DDAH1: variants seen among roughly 807,000 people sequenced by gnomAD.
The protein encoded by DDAH1 is N(G),N(G)-dimethylarginine dimethylaminohydrolase 1.
Under a neutral mutation model 28.8 loss-of-function variants are expected in DDAH1, and 19 were observed. The observed-to-expected ratio is 0.66, with a 90% CI of 0.46 to 0.97. The LOEUF (loss-of-function observed/expected upper bound fraction) is 0.97. Ranked by LOEUF, DDAH1 falls within the 50% of genes least tolerant of loss-of-function variation. The pLI is 0.00. For synonymous variants in DDAH1, 153 were observed against 154.4 expected (o/e 0.99, Z 0.07); for missense variants, 326 against 375.9 (o/e 0.87, Z 1.10).
At position 85,511,638 on chromosome 1, in the gene DDAH1, T is replaced by C. The variant is rs12091829; in HGVS notation, c.-122-15357A>G. ...AAAGAAGAAACGAGAGAAGAATCAATAGATGCAATAAAAAATGATAAAGGG... is the reference window on the plus strand; with the variant it reads ...AAAGAAGAAACGAGAGAAGAATCAACAGATGCAATAAAAAATGATAAAGGG... On this transcript the variant is annotated intron_variant, in intron 1 of 6. Transcript: ENST00000426972. Among the ~76,000 whole-genome samples, 283 of 152,028 alleles carry C rather than the reference T, an allele frequency of 1.9e-3. 2 individuals carry two copies. The highest frequency in any genetic ancestry group is 6.6e-3 in the African/African-American group (273 of 41,494).
chr1:85,415,893 T>C (rs966770496), intron 1 of DDAH1, among the ~76,000 whole-genome samples: 17 of 152,208 alleles, frequency 1.1e-4, no homozygotes, highest in African/African-American at 3.6e-4. Context: ...CTGTTCTGAA[T>C]GTATACTTTT....
chr1:85,453,681 C>G (rs1654761735), intron 1 of DDAH1, among the ~76,000 whole-genome samples: 1 of 152,136 alleles, frequency 6.6e-6, no homozygotes, highest in Admixed American at 6.5e-5. Flanking sequence ...ATATGCCAGT[C>G]CAGATGTCTC....
chr1:85,390,572 A>G (rs1294900952), intron 1 of DDAH1, among the ~76,000 whole-genome samples: 1 of 152,140 alleles, frequency 6.6e-6, no homozygotes, highest in Non-Finnish European at 1.5e-5. Flanking sequence ...ATATGCTGGG[A>G]TGTAAGGTAC....
intron 1 of DDAH1, among the ~76,000 whole-genome samples, chr1:85,462,244 C>T (rs1297721832): frequency 1.3e-5 from 2 of 152,090 alleles, no homozygotes; most frequent in African/African-American, 2.4e-5. Context: ...GAACCTCGCT[C>T]GATCCATGGA....
At chr1:85,362,857 TA>T (rs1649864602) in intron 1 of DDAH1, among the ~76,000 whole-genome samples, 1 of 152,140 alleles carries the variant, frequency 6.6e-6, no homozygotes. Flanking sequence ...AAGTAAAAGA[TA>T]AAAAATACAA....
rs1661342820 is a variant in DDAH1 at position 85,321,493 on chromosome 1, TGAGCAGCCCATCCACCTTTTC to T, written c.796_816del (p.Glu266_Leu272del). The stretch of plus-strand genomic sequence containing the variant: ...TTGTTAATTAAAACTGAGCAGCAGG[TGAGCAGCCCATCCACCTTTTC>T]CAGTTCAGACATGCTCACGGGGATC... On this transcript the variant is annotated inframe_deletion, in exon 6 of 6. Transcript: ENST00000284031. 2 of 1,613,988 alleles carry T rather than the reference TGAGCAGCCCATCCACCTTTTC, an allele frequency of 1.2e-6. No homozygotes were observed. Among genetic ancestry groups the T allele is most frequent in the African/African-American group, 2.7e-5 (2 of 74,894 alleles).
At chr1:85,328,123 C>T (rs911680771) in intron 4 of DDAH1, among the ~76,000 whole-genome samples, 1 of 152,020 alleles carries the variant, frequency 6.6e-6, no homozygotes, top group Non-Finnish European at 1.5e-5. Flanking sequence ...TCAACAAGGC[C>T]AAGGTTTGTC....
At chr1:85,558,141 T>C (rs1367975096) in intron 1 of DDAH1, among the ~76,000 whole-genome samples, 3 of 150,230 alleles carry the variant, frequency 2.0e-5, no homozygotes, top group African/African-American at 7.3e-5. Flanking sequence ...CCAAGGCAGG[T>C]GGGTCACTTG....
chr1:85,415,751 T>TA (rs1385406678), intron 1 of DDAH1, among the ~76,000 whole-genome samples: 1 of 152,228 alleles, frequency 6.6e-6, no homozygotes, highest in East Asian at 1.9e-4. Flanking sequence ...GACGAGTAGT[T>TA]ACCTCTGTGG....
intron 1 of DDAH1, among the ~76,000 whole-genome samples, chr1:85,432,560 A>C (rs1193786751): frequency 6.6e-6 from 1 of 152,188 alleles, no homozygotes; most frequent in African/African-American, 2.4e-5. Context: ...GAATGATGAA[A>C]GAACACCACA....
intron 1 of DDAH1, chr1:85,521,634 C>A (rs1570637836): frequency 5.1e-6 from 5 of 984,836 alleles, no homozygotes; most frequent in Non-Finnish European, 6.0e-6. Flanking sequence ...TATCTAGATG[C>A]CTTCCCCCGT....
chr1:85,530,646 C>A (rs1171796834), intron 1 of DDAH1, among the ~76,000 whole-genome samples: 1 of 151,306 alleles, frequency 6.6e-6, no homozygotes, highest in African/African-American at 2.4e-5. Context: ...GAAAAGGACT[C>A]ATTTGGGAAA....
intron 1 of DDAH1, among the ~76,000 whole-genome samples, chr1:85,513,117 T>G (rs1486615595): frequency 2.0e-5 from 3 of 152,230 alleles, no homozygotes; most frequent in East Asian, 3.9e-4. Flanking sequence ...AAGGCTACAG[T>G]AACCAAAACA....
At chr1:85,519,066 G>A (rs1397444172) in intron 1 of DDAH1, among the ~76,000 whole-genome samples, 1 of 142,484 alleles carries the variant, frequency 7.0e-6, no homozygotes, top group Non-Finnish European at 1.5e-5. Context: ...TATAAAACAA[G>A]AAGAAACGAG....
intron 1 of DDAH1, among the ~76,000 whole-genome samples, chr1:85,571,087 T>G (rs1022600413): frequency 6.6e-6 from 1 of 152,168 alleles, no homozygotes; most frequent in African/African-American, 2.4e-5. Context: ...TAGAAAGATG[T>G]CAAAAAGCTC....
Position 85,464,693 on chromosome 1 carries a change from G to T in DDAH1, c.303+50C>A, listed in dbSNP as rs1655272667. 1 of 1,432,906 alleles carries T rather than the reference G, an allele frequency of 7.0e-7. No homozygotes were observed. Among genetic ancestry groups the T allele is most frequent in the Non-Finnish European group, 9.1e-7 (1 of 1,100,048 alleles). The allele number at this position is 1,432,906 out of a possible 1,614,324, so 88.8% of individuals were successfully genotyped here. A position where few individuals can be genotyped will look rare whatever the true frequency, so the allele number is the denominator to read the frequency against. ...CCAGGCAACACGGCGGCCGGCGGCG[G>T]GGGAGGGCCTGGCGCGCGCCCCGGC... On this transcript the variant is annotated intron_variant, in intron 1 of 5. Transcript: ENST00000284031. The surrounding 1 kb of genome is among the most constrained non-coding windows in gnomAD (Gnocchi z 4.4).
intron 1 of DDAH1, among the ~76,000 whole-genome samples, chr1:85,556,510 A>G (rs1658974123): frequency 6.6e-6 from 1 of 152,230 alleles, no homozygotes; most frequent in South Asian, 2.1e-4. Flanking sequence ...TTAATGAGGT[A>G]GATACCACAC....
At chr1:85,532,113 G>C (rs1339116412) in intron 1 of DDAH1, among the ~76,000 whole-genome samples, 1 of 151,060 alleles carries the variant, frequency 6.6e-6, no homozygotes, top group African/African-American at 2.4e-5. Context: ...TCCCAATCCA[G>C]AGTTCATGCC....
chr1:85,500,789 T>G (rs1182161469), intron 1 of DDAH1, among the ~76,000 whole-genome samples: 1 of 152,080 alleles, frequency 6.6e-6, no homozygotes, highest in Non-Finnish European at 1.5e-5. Context: ...TCAGCTGAGA[T>G]CGTTTATATT....
Sources: gnomAD v4.1 joint callset for allele counts (sites outside exome capture counted in the v4.1 genomes callset) on GRCh38, gnomAD v4.1.1 for gene constraint, Gnocchi (gnomAD v3.1) non-coding constraint, MANE v1.5 for transcripts, NCBI Gene and HGNC (gene_info 2026-07-23, HGNC 2026-07-21) for gene names.